The following LRRC4C variants were observed in gnomAD, a reference collection of about 807,000 sequenced individuals.
LRRC4C encodes the protein leucine rich repeat containing 4C, also known as leucine-rich repeat-containing protein 4C.
A neutral mutation model predicts 33.6 loss-of-function variants in LRRC4C; 5 were observed. That is an observed-to-expected ratio of 0.15 (90% CI 0.08 to 0.31). The LOEUF (loss-of-function observed/expected upper bound fraction) is 0.31, where lower values mean the gene tolerates loss of function less well. LRRC4C is among the 10% of genes least tolerant of loss of function. The pLI is 1.00. For synonymous variants in LRRC4C, 329 were observed against 302.0 expected (o/e 1.09, Z -0.93); for missense variants, 560 against 796.7 (o/e 0.70, Z 3.58).
rs548169243 is a variant in LRRC4C at position 41,256,203 on chromosome 11, G to A, written c.-496+203228C>T. Among the ~76,000 whole-genome samples, 218 of 151,938 alleles carry A rather than the reference G, an allele frequency of 1.4e-3. 1 individual carries two copies. The highest frequency in any genetic ancestry group is 1.9e-3 in the Non-Finnish European group (129 of 67,910). On this transcript the variant is annotated intron_variant, in intron 1 of 6. Coordinates refer to ENST00000528697, the MANE Select transcript of LRRC4C (RefSeq NM_001258419.2). ...ACACAGTATTGCTGCCAACACTCCC[G>A]CATAGCTCAGTCACCCCGGGTGATA...
intron 3 of LRRC4C, among the ~76,000 whole-genome samples, chr11:40,536,640 A>C (rs987203278): frequency 6.6e-6 from 1 of 152,090 alleles, no homozygotes; most frequent in Non-Finnish European, 1.5e-5. Context: ...CAGCTTTCTA[A>C]GCCATCTAAC....
intron 1 of LRRC4C, among the ~76,000 whole-genome samples, chr11:41,307,684 T>G (rs185507387): frequency 6.6e-6 from 1 of 152,192 alleles, no homozygotes; most frequent in Admixed American, 6.5e-5. Context: ...GAGCCACCCT[T>G]CCAAAAAGCC....
At chr11:41,386,265 A>G (rs117227685) in intron 1 of LRRC4C, among the ~76,000 whole-genome samples, 1 of 151,784 alleles carries the variant, frequency 6.6e-6, no homozygotes, top group East Asian at 1.9e-4. Context: ...AGAAATTAGA[A>G]AAAGAAAAGT....
At chr11:41,142,235 C>T (rs1175578421) in intron 1 of LRRC4C, among the ~76,000 whole-genome samples, 1 of 152,168 alleles carries the variant, frequency 6.6e-6, no homozygotes, top group African/African-American at 2.4e-5. Flanking sequence ...TTCATTTGCT[C>T]CCTCTGCTAG....
chr11:40,205,878 A>T (rs928984991), intron 5 of LRRC4C, among the ~76,000 whole-genome samples: 3 of 152,160 alleles, frequency 2.0e-5, no homozygotes, highest in African/African-American at 7.2e-5. Flanking sequence ...CTCATTAAGT[A>T]CCTTTTTCTT....
At chr11:40,867,725 A>T (rs1218981571) in intron 2 of LRRC4C, among the ~76,000 whole-genome samples, 2 of 152,182 alleles carry the variant, frequency 1.3e-5, no homozygotes, top group Non-Finnish European at 2.9e-5. Flanking sequence ...CGGAAATGAC[A>T]ACAGCTGAAT....
chr11:40,315,546 C>A (rs990396335), intron 4 of LRRC4C, among the ~76,000 whole-genome samples: 4 of 151,802 alleles, frequency 2.6e-5, no homozygotes, highest in African/African-American at 9.7e-5. Context: ...ATTCCCATAT[C>A]TATACATTCA....
chr11:41,030,718 TA>T (rs1856673497), intron 1 of LRRC4C, among the ~76,000 whole-genome samples: 1 of 151,776 alleles, frequency 6.6e-6, no homozygotes, highest in Non-Finnish European at 1.5e-5. Context: ...AAAATATGCA[TA>T]AGTGTACTTG....
intron 1 of LRRC4C, among the ~76,000 whole-genome samples, chr11:41,050,727 T>C (rs1858146668): frequency 6.6e-6 from 1 of 152,206 alleles, no homozygotes; most frequent in Non-Finnish European, 1.5e-5. Context: ...GTCTTTGCTA[T>C]TGTAAATAGT....
intron 1 of LRRC4C, among the ~76,000 whole-genome samples, chr11:41,221,542 A>G (rs1231770012): frequency 6.6e-6 from 1 of 152,184 alleles, no homozygotes; most frequent in Non-Finnish European, 1.5e-5. Context: ...CAGCAATCCC[A>G]TTACTAGCTA....
chr11:40,232,057 A>G (rs2136015777), intron 5 of LRRC4C, among the ~76,000 whole-genome samples: 1 of 152,256 alleles, frequency 6.6e-6, no homozygotes, highest in South Asian at 2.1e-4. Flanking sequence ...CCCAGGCTGG[A>G]GTGCAGTGGC....
At chr11:40,198,054 C>T (rs1034408809) in intron 5 of LRRC4C, among the ~76,000 whole-genome samples, 3 of 152,000 alleles carry the variant, frequency 2.0e-5, no homozygotes, top group African/African-American at 7.3e-5. Flanking sequence ...GAAAAGTTCA[C>T]GTGCCAGCAG....
intron 3 of LRRC4C, among the ~76,000 whole-genome samples, chr11:40,480,744 T>C (rs2138400365): frequency 6.6e-6 from 1 of 152,246 alleles, no homozygotes; most frequent in Non-Finnish European, 1.5e-5. Context: ...TGGAATATTA[T>C]TCAACTATAA....
chr11:40,813,621 C>A (rs1951584256), intron 2 of LRRC4C, among the ~76,000 whole-genome samples: 1 of 152,044 alleles, frequency 6.6e-6, no homozygotes, highest in African/African-American at 2.4e-5. Flanking sequence ...TCCCAATAGT[C>A]CCCAAAGTCT....
At chr11:40,211,151 T>C (rs1863578184) in intron 5 of LRRC4C, among the ~76,000 whole-genome samples, 2 of 152,222 alleles carry the variant, frequency 1.3e-5, no homozygotes, top group African/African-American at 2.4e-5. Context: ...AGTACTTTAC[T>C]TATCAGAACC....
At chr11:40,473,771 C>T (rs1358408133) in intron 3 of LRRC4C, among the ~76,000 whole-genome samples, 2 of 152,158 alleles carry the variant, frequency 1.3e-5, no homozygotes, top group African/African-American at 4.8e-5. Flanking sequence ...GATGCAAAAT[C>T]AATGGACAAA....
At chr11:40,518,557 A>T (rs931738785) in intron 3 of LRRC4C, among the ~76,000 whole-genome samples, 11 of 152,214 alleles carry the variant, frequency 7.2e-5, no homozygotes, top group African/African-American at 2.2e-4. Context: ...ATGAGATACC[A>T]TCTCACAGCA....
At chr11:40,864,728 T>C (rs900374910) in intron 2 of LRRC4C, among the ~76,000 whole-genome samples, 1 of 152,150 alleles carries the variant, frequency 6.6e-6, no homozygotes, top group African/African-American at 2.4e-5. Flanking sequence ...AGCTAATAAT[T>C]AATCTGCACT....
intron 4 of LRRC4C, among the ~76,000 whole-genome samples, chr11:40,270,153 C>T (rs1942583058): frequency 6.6e-6 from 1 of 152,132 alleles, no homozygotes; most frequent in African/African-American, 2.4e-5. Flanking sequence ...AGCCACAGCT[C>T]CCCTGTCCAG....
Sources: allele counts gnomAD v4.1 joint callset (sites outside exome capture counted in the v4.1 genomes callset), GRCh38; gene constraint gnomAD v4.1.1; transcripts MANE v1.5; gene names NCBI Gene and HGNC (gene_info 2026-07-23, HGNC 2026-07-21).